SLC36A2: variants seen among roughly 807,000 people sequenced by gnomAD.
SLC36A2 encodes solute carrier family 36 member 2.
In SLC36A2, 39 loss-of-function variants were observed where a neutral mutation model predicts 42.7. That is an observed-to-expected ratio of 0.91 (90% CI 0.71 to 1.19). SLC36A2 has a LOEUF of 1.19. Among genes scored for constraint, SLC36A2 ranks in the 50% most tolerant of loss-of-function variants. The pLI is 0.00. For synonymous variants in SLC36A2, 237 were observed against 240.8 expected, an observed-to-expected ratio of 0.98 and a Z score of 0.15; for missense variants, 590 against 613.7, an observed-to-expected ratio of 0.96 and a Z score of 0.41.
intron 7 of SLC36A2, among the ~76,000 whole-genome samples, chr5:151,326,035 A>T (rs1385928627): frequency 6.6e-6 from 1 of 152,208 alleles, no homozygotes; most frequent in Non-Finnish European, 1.5e-5. Flanking sequence ...GCTTCAATTA[A>T]ACAAAAAAAG....
At position 151,322,202 on chromosome 5, in the gene SLC36A2, C is replaced by T; in HGVS notation, c.1024G>A (p.Val342Ile). ...NLPNCWLYQS[V>I]KLLYIAGILC... The stretch of plus-strand genomic sequence containing the variant: ...ATGCCGGCAATGTAGAGAAGCTTGA[C>T]AGACTGGTACAGCCTGCAAGACAAA... The change falls in exon 9 of 10, where the codon GTC becomes ATC. Residue 342 changes from valine to isoleucine, a missense_variant. Physicochemically the swap from Val to Ile is conservative, Grantham distance 29 (BLOSUM62 3). Transcript: ENST00000335244. The T allele has an allele frequency of 6.2e-7, 1 of 1,614,118 alleles. No individual in the cohort carries two copies. Among genetic ancestry groups the T allele is most frequent in the East Asian group, 2.2e-5 (1 of 44,878 alleles).
At chr5:151,345,021 C>T (rs1225155682) in intron 1 of SLC36A2, among the ~76,000 whole-genome samples, 2 of 152,264 alleles carry the variant, frequency 1.3e-5, no homozygotes, top group South Asian at 2.1e-4. Context: ...ACCTCCCCTC[C>T]CCCAAACAAA....
chr5:151,336,802 C>T (rs1756171674), intron 5 of SLC36A2, among the ~76,000 whole-genome samples: 1 of 151,260 alleles, frequency 6.6e-6, no homozygotes, highest in African/African-American at 2.4e-5. Context: ...ACTGGACAAG[C>T]AATACAAATC....
At chr5:151,336,459 C>CTTTTTTT (rs769643262) in intron 5 of SLC36A2, among the ~76,000 whole-genome samples, 1 of 113,198 alleles carries the variant, frequency 8.8e-6, no homozygotes, top group African/African-American at 3.2e-5. Flanking sequence ...TTCCCTCAAT[C>CTTTTTTT]TTTTTTTTTT....
intron 2 of SLC36A2, 60 bp downstream of exon 2, chr5:151,344,117 C>A: frequency 6.6e-7 from 1 of 1,504,802 alleles, no homozygotes; most frequent in South Asian, 1.2e-5. Flanking sequence ...GCTAGAGCCT[C>A]TCCTCTTACT....
At position 151,336,968 on chromosome 5, in the gene SLC36A2, T is replaced by C. The variant is rs145632075; in HGVS notation, c.526-1421A>G. On this transcript the variant is annotated intron_variant, in intron 5 of 9. Coordinates refer to ENST00000335244, the MANE Select transcript of SLC36A2 (RefSeq NM_181776.3). ...TATATTATACACATTCTTTTTATTTTACAAGACTTCAATCATAGCATTCAC... is the reference window on the plus strand; with the variant it reads ...TATATTATACACATTCTTTTTATTTCACAAGACTTCAATCATAGCATTCAC... Among the ~76,000 whole-genome samples, 130 of 152,360 alleles carry C rather than the reference T, an allele frequency of 8.5e-4. No homozygotes were observed. In the South Asian group the frequency reaches 0.016, roughly 18 times the overall value.
At chr5:151,346,749 C>T (rs1756507818) in intron 1 of SLC36A2, among the ~76,000 whole-genome samples, 2 of 152,256 alleles carry the variant, frequency 1.3e-5, no homozygotes, top group South Asian at 4.1e-4. Flanking sequence ...AACCCCCACT[C>T]CCCACTCCCT....
chr5:151,340,151 AGGAG>A (rs1756285604), intron 4 of SLC36A2, among the ~76,000 whole-genome samples: 3 of 115,654 alleles, frequency 2.6e-5, no homozygotes, highest in Non-Finnish European at 4.8e-5. Flanking sequence ...GAGGAGGAGA[AGGAG>A]GAGGAAGAAG....
chr5:151,333,513 C>T (rs547765442), intron 6 of SLC36A2, among the ~76,000 whole-genome samples, 191 bp from the exon 7 acceptor site: 1 of 152,160 alleles, frequency 6.6e-6, no homozygotes, highest in African/African-American at 2.4e-5. Flanking sequence ...AGCCAGAGGA[C>T]GGTATTGTCA....
At chr5:151,319,182 A>G in intron 9 of SLC36A2, 1 of 948,774 alleles carries the variant, frequency 1.1e-6, no homozygotes, top group Non-Finnish European at 1.3e-6. Flanking sequence ...TATCTTTGCT[A>G]TTACTCCAAG....
intron 6 of SLC36A2, among the ~76,000 whole-genome samples, chr5:151,334,405 T>C (rs1756086808): frequency 6.6e-6 from 1 of 150,694 alleles, no homozygotes; most frequent in Admixed American, 6.6e-5. Context: ...AAAAGAAGAA[T>C]TAGGCTGGGC....
rs428064 is a variant in SLC36A2 at position 151,316,937 on chromosome 5, G to A, written c.1332C>T (p.Asp444=). 599,343 of 1,613,314 alleles carry A rather than the reference G, an allele frequency of 0.37. 117,011 individuals are homozygous for A. The highest frequency in any genetic ancestry group is 0.58 in the Admixed American group (34,705 of 59,912). ...EGMSPLTIFK[D]ALISILGFVG... ...CGAAGCCCAGGATGCTGATCAGGGCGTCCTTGAAGATGGTGAGGGGGCTCA... is the reference window on the plus strand; with the variant it reads ...CGAAGCCCAGGATGCTGATCAGGGCATCCTTGAAGATGGTGAGGGGGCTCA... Residue 444 remains aspartate, a synonymous_variant, in exon 10 of 10, where the codon GAC becomes GAT. Transcript: ENST00000335244.
chr5:151,338,946 A>G (rs777044578), intron 5 of SLC36A2, 114 bp downstream of exon 5: 1 of 796,126 alleles, frequency 1.3e-6, no homozygotes, highest in South Asian at 1.3e-5. Context: ...CATCTAGTTT[A>G]ACTTCCTTTG....
At chr5:151,342,102 C>T (rs28418431) in intron 4 of SLC36A2, among the ~76,000 whole-genome samples, 12,209 of 152,180 alleles carry the variant, frequency 0.08, 819 homozygotes, top group African/African-American at 0.19. Context: ...AATATGATGA[C>T]TTTCCTGATT....
chr5:151,335,644 T>G, intron 5 of SLC36A2, 97 bp from the exon 6 acceptor site: 3 of 880,542 alleles, frequency 3.4e-6, no homozygotes, highest in Non-Finnish European at 5.8e-6. Context: ...TCCCTCACAG[T>G]GAATGGGAGT....
chr5:151,321,919 C>A (rs1359267070), intron 9 of SLC36A2, 127 bp downstream of exon 9: 35 of 1,196,140 alleles, frequency 2.9e-5, no homozygotes, highest in Non-Finnish European at 4.1e-5. Context: ...CTCAGGTGAT[C>A]CACCCGCCTC....
chr5:151,333,577 CA>C (rs773068847), intron 6 of SLC36A2, among the ~76,000 whole-genome samples: 10 of 152,088 alleles, frequency 6.6e-5, no homozygotes, highest in Non-Finnish European at 1.5e-4. Context: ...GAAAAACCTC[CA>C]AAAGGGCCGG....
intron 4 of SLC36A2, among the ~76,000 whole-genome samples, chr5:151,340,177 G>GGTGGA (rs1554098842): frequency 9.2e-6 from 1 of 109,110 alleles, no homozygotes; most frequent in Non-Finnish European, 1.6e-5. Context: ...GGAAGGAGGA[G>GGTGGA]GAGGAGGAAG....
chr5:151,347,457 A>G lies in SLC36A2; in HGVS notation c.4T>C (p.Ser2Pro). The change falls in exon 1 of 10, where the codon TCT (serine) becomes CCT (proline). Residue 2 changes from serine to proline, a missense_variant. Ser to Pro is a moderately conservative substitution (Grantham distance 74, BLOSUM62 -1). Coordinates refer to ENST00000335244, the MANE Select transcript of SLC36A2 (RefSeq NM_181776.3). ...GGACCCTCAGTACTTTTTGTCACAG[A>G]CATGACTGCTTAAGAAACAAGGAGC... M[S>P]VTKSTEGPQG... The G allele has an allele frequency of 6.2e-7, 1 of 1,613,930 alleles. No homozygotes were observed. The highest frequency in any genetic ancestry group is 8.5e-7 in the Non-Finnish European group (1 of 1,180,024).
Sources: gnomAD v4.1 joint callset for allele counts (sites outside exome capture counted in the v4.1 genomes callset) on GRCh38, gnomAD v4.1.1 for gene constraint, MANE v1.5 for transcripts, NCBI Gene and HGNC (gene_info 2026-07-23, HGNC 2026-07-21) for gene names.